Variants in FBLN1 observed in about 807,000 individuals in gnomAD.
The protein encoded by FBLN1 is fibulin-1.
In FBLN1, 34 loss-of-function variants were observed where a neutral mutation model predicts 89.7. The ratio of observed to expected loss-of-function variants is 0.38; its 90% confidence interval spans 0.29 to 0.50. The LOEUF (loss-of-function observed/expected upper bound fraction) is 0.50, where lower values mean the gene tolerates loss of function less well. Among genes scored for constraint, FBLN1 ranks in the 20% least tolerant of loss-of-function variants. The pLI is 0.92. For missense variants in FBLN1, 777 were observed against 988.1 expected (o/e 0.79, Z 2.86); for synonymous variants, 393 against 391.3 (o/e 1.00, Z -0.05).
rs1309546653 is a variant in FBLN1, at chr22:45,532,594, A to T, written c.545-469A>T. 6.6e-6 allele frequency among the ~76,000 whole-genome samples: 1 copy of T among 152,142 alleles called. No homozygotes were observed. The highest frequency in any genetic ancestry group is 2.4e-5 in the African/African-American group (1 of 41,436). ...TGCTTCTGGGCTATGCAGAAAGACCAGGTAGGAGGCTGTGGCCACAGCCAG... is the reference window on the plus strand; with the variant it reads ...TGCTTCTGGGCTATGCAGAAAGACCTGGTAGGAGGCTGTGGCCACAGCCAG... On this transcript the variant is annotated intron_variant, in intron 5 of 16. Transcript: ENST00000327858. The surrounding 1 kb of genome is among the most constrained non-coding windows in gnomAD (Gnocchi z 4.2).
intron 9 of FBLN1, 148 bp downstream of exon 9, chr22:45,541,520 C>T (rs1476893537): frequency 1.9e-6 from 2 of 1,035,428 alleles, no homozygotes; most frequent in Non-Finnish European, 2.9e-6. Flanking sequence ...AAGCATGGGG[C>T]TTCATTGTCT....
intron 9 of FBLN1, 87 bp downstream of exon 9, chr22:45,541,459 C>T: frequency 6.5e-7 from 1 of 1,543,800 alleles, no homozygotes; most frequent in African/African-American, 1.4e-5. Context: ...GAAAGTTGAT[C>T]CCCAAAGCAA....
intron 16 of FBLN1, among the ~76,000 whole-genome samples, chr22:45,582,951 T>C (rs4823304): frequency 0.36 from 54,410 of 152,048 alleles, 11,618 homozygotes; most frequent in Admixed American, 0.52. Context: ...GCCCTGGGCC[T>C]AGGGACAGTA....
chr22:45,548,832 C>A, intron 13 of FBLN1, 88 bp downstream of exon 13: 1 of 1,573,844 alleles, frequency 6.4e-7, no homozygotes, highest in Non-Finnish European at 8.6e-7. Flanking sequence ...GGGGGCTGTG[C>A]TTCCCCAACC....
intron 4 of FBLN1, among the ~76,000 whole-genome samples, chr22:45,529,242 C>T (rs551836603): frequency 6.6e-6 from 1 of 152,338 alleles, no homozygotes; most frequent in Admixed American, 6.5e-5. Flanking sequence ...CAGCTGGGGG[C>T]CATCGCTGGC....
At chr22:45,587,184 A>G (rs905689169) in intron 16 of FBLN1, among the ~76,000 whole-genome samples, 4 of 151,232 alleles carry the variant, frequency 2.6e-5, no homozygotes, top group Non-Finnish European at 5.9e-5. Context: ...GCACGAACCC[A>G]CTCCCCACAC....
In FBLN1 at chr22:45,563,534, C is replaced by A. The variant is rs2088875071; in HGVS notation, c.1698-10977C>A. 6.6e-6 allele frequency among the ~76,000 whole-genome samples: 1 copy of A among 152,210 alleles called. No individual in the cohort carries two copies. Among genetic ancestry groups the A allele is most frequent in the African/African-American group, 2.4e-5 (1 of 41,458 alleles). On this transcript the variant is annotated intron_variant, in intron 14 of 16. Transcript: ENST00000327858. The surrounding 1 kb of genome is among the most constrained non-coding windows in gnomAD (Gnocchi z 5.7). ...CTGTTCACAGAGCCCACTGTCTGTG[C>A]CGACAGGGAGGCCAGGCCGGGTACA...
At chr22:45,538,758 C>T (rs918610873) in intron 8 of FBLN1, among the ~76,000 whole-genome samples, 7 of 152,052 alleles carry the variant, frequency 4.6e-5, no homozygotes, top group South Asian at 2.1e-4. Context: ...CAGCATGGTC[C>T]GTGGTGGGAA....
chr22:45,587,308 T>A, intron 16 of FBLN1, among the ~76,000 whole-genome samples: 1 of 109,750 alleles, frequency 9.1e-6, no homozygotes. Flanking sequence ...ACTTTTCACA[T>A]CCATCCCCGC....
rs76500856 is a variant in FBLN1 at position 45,533,988 on chromosome 22, C to T, written c.784+90C>T. ...GGCAGCTCTGGGGTCTGGGCTCCCG[C>T]AGTCCTGCGCCCTCTGTGGCTGCCT... On this transcript the variant is annotated intron_variant, in intron 7 of 16. Transcript: ENST00000327858. The T allele has an allele frequency of 1.8e-4, 281 of 1,561,606 alleles. No homozygotes were observed. The African/African-American group carries it at 3.5e-3, about 19-fold the overall frequency.
At chr22:45,542,108 A>C (rs758461985) in intron 9 of FBLN1, 47 bp from the exon 10 acceptor site, 8 of 1,613,644 alleles carry the variant, frequency 5.0e-6, no homozygotes, top group South Asian at 1.1e-5. Flanking sequence ...GGGGGGAAAA[A>C]ACCCAAACTA....
At chr22:45,546,158 CGACA>C (rs1323847669) in intron 11 of FBLN1, among the ~76,000 whole-genome samples, 1 of 140,858 alleles carries the variant, frequency 7.1e-6, no homozygotes, top group Admixed American at 7.4e-5. Flanking sequence ...CCAGCCTGGG[CGACA>C]GACAAAGACT....
rs1367708825 is a variant in FBLN1, at chr22:45,563,039, T to G, written c.1698-11472T>G. 1 of 1,613,216 alleles carries G rather than the reference T, an allele frequency of 6.2e-7. No homozygotes were observed. Among genetic ancestry groups the G allele is most frequent in the Non-Finnish European group, 8.5e-7 (1 of 1,179,932 alleles). On this transcript the variant is annotated intron_variant, in intron 14 of 16. Coordinates refer to ENST00000327858, the MANE Select transcript of FBLN1 (RefSeq NM_006486.3). The surrounding 1 kb of genome is among the most constrained non-coding windows in gnomAD (Gnocchi z 5.7). Reference sequence around the variant, plus strand: ...CGCGGTGGTTTTCCGCATGGGCCCCTCCAGTGCTGTCCCCGGGGACAGCAT... The same window carrying G: ...CGCGGTGGTTTTCCGCATGGGCCCCGCCAGTGCTGTCCCCGGGGACAGCAT...
chr22:45,535,463 G>T, intron 8 of FBLN1, 126 bp downstream of exon 8: 1 of 1,103,804 alleles, frequency 9.1e-7, no homozygotes, highest in East Asian at 2.6e-5. Context: ...AACTTTTTGT[G>T]TAAAGGGCTG....
At chr22:45,534,033 T>A in intron 7 of FBLN1, 135 bp downstream of exon 7, 1 of 1,224,992 alleles carries the variant, frequency 8.2e-7, no homozygotes, top group Non-Finnish European at 1.2e-6. Context: ...CCTGCTCATC[T>A]GCAGGAGGGA....
rs2089045385 is a variant in FBLN1, at chr22:45,581,940, G to A, written c.1972+4832G>A. On this transcript the variant is annotated intron_variant, in intron 16 of 16. Transcript: ENST00000327858. This position sits in a 1 kb window ranked among gnomAD's most constrained non-coding sequence, Gnocchi z 7.6. Reference sequence around the variant, plus strand: ...AGGGGCTGCAGGGCCAGGCCTTGGTGGATGCTGTCCTGGGGACCACGGGAG... The same window carrying A: ...AGGGGCTGCAGGGCCAGGCCTTGGTAGATGCTGTCCTGGGGACCACGGGAG... Among the ~76,000 whole-genome samples, 1 of 152,180 alleles carries A rather than the reference G, an allele frequency of 6.6e-6. No individual in the cohort carries two copies. Among genetic ancestry groups the A allele is most frequent in the Non-Finnish European group, 1.5e-5 (1 of 68,016 alleles).
chr22:45,576,582 A>G lies in FBLN1; in HGVS notation c.1841-395A>G, dbSNP rs2088998986. On this transcript the variant is annotated intron_variant, in intron 15 of 16. Transcript: ENST00000327858. The surrounding 1 kb of genome is among the most constrained non-coding windows in gnomAD (Gnocchi z 5.2). ...TGGCCCCCCTGACCTGTGGCACTATAGATGGGAGAGGAGCCCACCCCTCTG... is the reference window on the plus strand; with the variant it reads ...TGGCCCCCCTGACCTGTGGCACTATGGATGGGAGAGGAGCCCACCCCTCTG... Among the ~76,000 whole-genome samples, 1 of 152,086 alleles carries G rather than the reference A, an allele frequency of 6.6e-6. No homozygotes were observed. The highest frequency in any genetic ancestry group is 2.4e-5 in the African/African-American group (1 of 41,404).
chr22:45,586,683 CAG>C (rs1472138067), intron 16 of FBLN1, among the ~76,000 whole-genome samples: 1 of 152,182 alleles, frequency 6.6e-6, no homozygotes. Context: ...CTGCAAATCA[CAG>C]GGGTGGGAAG....
Position 45,541,358 on chromosome 22 carries a change from G to A in FBLN1, c.1052G>A (p.Gly351Glu). 6.2e-7 allele frequency: 1 copy of A among 1,614,258 alleles called. No homozygotes were observed. Among genetic ancestry groups the A allele is most frequent in the Non-Finnish European group, 8.5e-7 (1 of 1,180,050 alleles). The change falls in exon 9 of 17, where the codon GGA (glycine) becomes GAA (glutamate). Residue 351 changes from glycine (G) to glutamate (E), a missense_variant. By Grantham distance (98) the Gly-to-Glu change is moderately conservative (BLOSUM62 -2). Coordinates refer to ENST00000327858, the MANE Select transcript of FBLN1 (RefSeq NM_006486.3). Reference sequence around the variant, plus strand: ...CGTGGCTACCATCTCAACGAGGAGGGAACGCGCTGTGTTGGTTGGTATTAA... The same window carrying A: ...CGTGGCTACCATCTCAACGAGGAGGAAACGCGCTGTGTTGGTTGGTATTAA... ...CGRGYHLNEE[G>E]TRCVDVDECA...
Sources: gnomAD v4.1 joint callset for allele counts (sites outside exome capture counted in the v4.1 genomes callset) on GRCh38, gnomAD v4.1.1 for gene constraint, Gnocchi (gnomAD v3.1) non-coding constraint, MANE v1.5 for transcripts, NCBI Gene and HGNC (gene_info 2026-07-23, HGNC 2026-07-21) for gene names.